CCDC170: variants seen among roughly 807,000 people sequenced by gnomAD.
CCDC170 encodes the protein coiled-coil domain containing 170, also known as coiled-coil domain-containing protein 170.
CCDC170 carries 69 observed loss-of-function variants against 72.6 expected under a neutral mutation model. That is an observed-to-expected ratio of 0.95 (90% CI 0.78 to 1.16). CCDC170 has a LOEUF of 1.16. Ranked by LOEUF, CCDC170 falls within the 50% of genes most tolerant of loss-of-function variation. The pLI is 0.00. For synonymous variants in CCDC170, 300 were observed against 303.9 expected (o/e 0.99, Z 0.13); for missense variants, 852 against 832.5 (o/e 1.02, Z -0.29).
At chr6:151,607,981 G>T (rs558613782) in intron 9 of CCDC170, among the ~76,000 whole-genome samples, 1 of 151,930 alleles carries the variant, frequency 6.6e-6, no homozygotes, top group Non-Finnish European at 1.5e-5. Flanking sequence ...GCAAATATTT[G>T]TTCACTTAAT....
intron 6 of CCDC170, among the ~76,000 whole-genome samples, chr6:151,584,333 ATT>A (rs574592472): frequency 2.0e-5 from 3 of 151,808 alleles, no homozygotes; most frequent in South Asian, 4.2e-4. Context: ...ATTATTTTTA[ATT>A]TTTTTTCTCA....
intron 7 of CCDC170, among the ~76,000 whole-genome samples, chr6:151,591,481 A>G (rs892650979): frequency 1.3e-5 from 2 of 151,854 alleles, no homozygotes; most frequent in East Asian, 1.9e-4. Flanking sequence ...GTGTTCATTT[A>G]ACTTGGATGC....
At chr6:151,616,249 C>T (rs1776965995) in intron 10 of CCDC170, among the ~76,000 whole-genome samples, 1 of 151,964 alleles carries the variant, frequency 6.6e-6, no homozygotes, top group Non-Finnish European at 1.5e-5. Context: ...AACAGTGGCA[C>T]CCAGACTTGA....
intron 9 of CCDC170, among the ~76,000 whole-genome samples, chr6:151,609,073 T>C (rs1417867176): frequency 6.6e-6 from 1 of 152,190 alleles, no homozygotes; most frequent in Non-Finnish European, 1.5e-5. Context: ...CCTGAGTTTT[T>C]GCATCTCAGA....
Position 151,584,956 on chromosome 6 carries a change from A to G in CCDC170, c.1093-933A>G, listed in dbSNP as rs143320958. Among the ~76,000 whole-genome samples the G allele has an allele frequency of 6.7e-3, 1,019 of 152,324 alleles. 17 individuals are homozygous for G. Among genetic ancestry groups the G allele is most frequent in the African/African-American group, 0.023 (965 of 41,564 alleles). ...GGTACTGTACTGTTATGTAAATACTATGTTTTCCCTCTTCTCTTCCAAAAT... is the reference window on the plus strand; with the variant it reads ...GGTACTGTACTGTTATGTAAATACTGTGTTTTCCCTCTTCTCTTCCAAAAT... On this transcript the variant is annotated intron_variant, in intron 6 of 10. Coordinates refer to ENST00000239374, the MANE Select transcript of CCDC170 (RefSeq NM_025059.4).
At chr6:151,525,786 G>A (rs1466789687) in intron 1 of CCDC170, among the ~76,000 whole-genome samples, 1 of 152,212 alleles carries the variant, frequency 6.6e-6, no homozygotes, top group Non-Finnish European at 1.5e-5. Flanking sequence ...ACTAATTCAT[G>A]TATTGATGGA....
At chr6:151,499,013 A>C (rs113469706) in intron 1 of CCDC170, among the ~76,000 whole-genome samples, 202 of 136,520 alleles carry the variant, frequency 1.5e-3, no homozygotes, top group Middle Eastern at 4.7e-3. Flanking sequence ...GTATTTGACT[A>C]TTCTAGGCAC....
chr6:151,535,503 AC>A (rs1279371358), intron 1 of CCDC170, among the ~76,000 whole-genome samples: 1 of 152,238 alleles, frequency 6.6e-6, no homozygotes, highest in East Asian at 1.9e-4. Context: ...GTGAATAGTT[AC>A]AAAGGAGACA....
intron 1 of CCDC170, among the ~76,000 whole-genome samples, chr6:151,502,129 A>T (rs1782002427): frequency 6.6e-6 from 1 of 152,170 alleles, no homozygotes; most frequent in Admixed American, 6.5e-5. Context: ...TGTCTAAACC[A>T]GGCATGGTGA....
At chr6:151,590,989 G>A (rs1200525284) in intron 7 of CCDC170, among the ~76,000 whole-genome samples, 2 of 152,182 alleles carry the variant, frequency 1.3e-5, no homozygotes, top group African/African-American at 4.8e-5. Flanking sequence ...AGAGACAAAA[G>A]CAGTTTATGG....
At chr6:151,585,028 T>C (rs1776433014) in intron 6 of CCDC170, among the ~76,000 whole-genome samples, 1 of 152,224 alleles carries the variant, frequency 6.6e-6, no homozygotes, top group Non-Finnish European at 1.5e-5. Context: ...TTGGTGGTTT[T>C]ATTGAATTCA....
At chr6:151,515,368 T>C (rs1443283246) in intron 1 of CCDC170, among the ~76,000 whole-genome samples, 2 of 152,216 alleles carry the variant, frequency 1.3e-5, no homozygotes, top group Admixed American at 6.5e-5. Flanking sequence ...CTGCAACCTC[T>C]GCCTCCCAGG....
chr6:151,618,134 A>G lies in CCDC170; in HGVS notation c.2135A>G (p.Gln712Arg). The change falls in exon 11 of 11, where the codon CAG (glutamine) becomes CGG (arginine). Residue 712 changes from glutamine (Q) to arginine (R), a missense_variant. Physicochemically the swap from Gln to Arg is conservative, Grantham distance 43 (BLOSUM62 1). Coordinates refer to ENST00000239374, the MANE Select transcript of CCDC170 (RefSeq NM_025059.4). The stretch of plus-strand genomic sequence containing the variant: ...GAGAGGCACCCACAAGGCCATTTAC[A>G]GCTTCTTCATTGAACACTGTATCTC... ...GQERHPQGHL[Q>R]LLH The G allele has an allele frequency of 6.2e-7, 1 of 1,614,010 alleles. No individual in the cohort carries two copies. The highest frequency in any genetic ancestry group is 8.5e-7 in the Non-Finnish European group (1 of 1,179,958).
intron 7 of CCDC170, among the ~76,000 whole-genome samples, chr6:151,587,516 C>T (rs980534309): frequency 2.6e-5 from 4 of 152,054 alleles, no homozygotes; most frequent in African/African-American, 7.2e-5. Context: ...CCAAGAGCCT[C>T]GATGCCAAAT....
At chr6:151,592,312 A>ATCAAGCCACTGTACTCCAGCCC (rs1264627500) in intron 7 of CCDC170, among the ~76,000 whole-genome samples, 4 of 152,168 alleles carry the variant, frequency 2.6e-5, no homozygotes, top group Non-Finnish European at 5.9e-5. Context: ...GTGAGCCAAG[A>ATCAAGCCACTGTACTCCAGCCC]TCAAGCCACT....
intron 5 of CCDC170, among the ~76,000 whole-genome samples, chr6:151,558,032 G>GC (rs1783012856): frequency 6.2e-4 from 1 of 1,612 alleles, no homozygotes. Flanking sequence ...CTTGGGAGGT[G>GC]AGGTTGCACT....
rs1777051865 is a variant in CCDC170, at chr6:151,620,919, A to T, written c.*2772A>T. 6.6e-6 allele frequency: 1 copy of T among 152,216 alleles called. No homozygotes were observed. Among genetic ancestry groups the T allele is most frequent in the Non-Finnish European group, 1.5e-5 (1 of 68,038 alleles). 9.4% of individuals were successfully genotyped at this position (152,216 alleles called of 1,614,324 possible). On this transcript the variant is annotated 3_prime_UTR_variant, in exon 11 of 11. Coordinates refer to ENST00000239374, the MANE Select transcript of CCDC170 (RefSeq NM_025059.4). Reference sequence around the variant, plus strand: ...ATTTCTGTTTATTACATGAAATTACATTCCATTTATCCAAATATATGTTTA... The same window carrying T: ...ATTTCTGTTTATTACATGAAATTACTTTCCATTTATCCAAATATATGTTTA...
chr6:151,560,637 T>C (rs1038697864), intron 5 of CCDC170, among the ~76,000 whole-genome samples: 5 of 152,198 alleles, frequency 3.3e-5, no homozygotes, highest in African/African-American at 1.2e-4. Context: ...TAAATCTGGG[T>C]GCTCTGAATC....
chr6:151,572,649 G>GTTTTTTT (rs1213267537), intron 5 of CCDC170, among the ~76,000 whole-genome samples: 1,156 of 37,678 alleles, frequency 0.031, 54 homozygotes, highest in South Asian at 0.045. Flanking sequence ...CCTTCTCTGT[G>GTTTTTTT]TTTTTTTTTT....
Sources: allele counts gnomAD v4.1 joint callset (sites outside exome capture counted in the v4.1 genomes callset), GRCh38; gene constraint gnomAD v4.1.1; transcripts MANE v1.5; gene names NCBI Gene and HGNC (gene_info 2026-07-23, HGNC 2026-07-21).